Variants in EYA1 observed in about 807,000 individuals in gnomAD.
EYA1 encodes protein phosphatase EYA1.
In EYA1, 16 loss-of-function variants were observed where a neutral mutation model predicts 82.0. That is an observed-to-expected ratio of 0.20 (90% confidence interval 0.13 to 0.30). The LOEUF is 0.30. Ranked by LOEUF, EYA1 falls within the 10% of genes least tolerant of loss-of-function variation. The pLI is 1.00. For missense variants in EYA1, 633 were observed against 730.7 expected (o/e 0.87, Z 1.54); for synonymous variants, 261 against 264.4 (o/e 0.99, Z 0.12).
intron 1 of EYA1, among the ~76,000 whole-genome samples, chr8:71,540,877 A>T (rs911339730): frequency 6.6e-5 from 10 of 152,218 alleles, no homozygotes; most frequent in Admixed American, 6.5e-4. Context: ...ACAGAAAAGA[A>T]AAGGGCTATT....
intron 2 of EYA1, among the ~76,000 whole-genome samples, chr8:71,400,795 C>A (rs1331177006): frequency 6.6e-6 from 1 of 151,984 alleles, no homozygotes; most frequent in Non-Finnish European, 1.5e-5. Flanking sequence ...GGTATATACC[C>A]AAAGGAATAT....
intron 2 of EYA1, among the ~76,000 whole-genome samples, chr8:71,418,157 A>C (rs1348684848): frequency 3.3e-5 from 5 of 152,240 alleles, no homozygotes. Context: ...TGATCCTCCC[A>C]CTTTCCAACT....
intron 12 of EYA1, among the ~76,000 whole-genome samples, chr8:71,227,188 T>G (rs74959043): frequency 6.6e-6 from 1 of 152,256 alleles, no homozygotes; most frequent in Admixed American, 6.5e-5. Flanking sequence ...CATTTTTTTT[T>G]GGAACAGCAA....
chr8:71,312,994 C>T (rs1821518298), intron 7 of EYA1, among the ~76,000 whole-genome samples: 1 of 152,182 alleles, frequency 6.6e-6, no homozygotes, highest in East Asian at 1.9e-4. Flanking sequence ...ATTCTTAGCA[C>T]TCAGAGATGT....
intron 7 of EYA1, among the ~76,000 whole-genome samples, chr8:71,304,621 G>A (rs1259289778): frequency 1.4e-5 from 2 of 142,442 alleles, no homozygotes; most frequent in African/African-American, 5.0e-5. Context: ...CTGATTTTTA[G>A]TACCAATTCA....
intron 2 of EYA1, among the ~76,000 whole-genome samples, chr8:71,413,570 A>G (rs1242598404): frequency 6.6e-6 from 1 of 152,222 alleles, no homozygotes; most frequent in Non-Finnish European, 1.5e-5. Context: ...AAATATGCAG[A>G]CTTAAAACAA....
intron 2 of EYA1, among the ~76,000 whole-genome samples, chr8:71,528,872 C>G (rs1328797866): frequency 1.3e-5 from 2 of 152,186 alleles, no homozygotes; most frequent in Non-Finnish European, 1.5e-5. Context: ...GCGAAAACAG[C>G]TTGCCCAAGT....
At chr8:71,230,461 G>A (rs372107395) in intron 12 of EYA1, among the ~76,000 whole-genome samples, 2 of 152,168 alleles carry the variant, frequency 1.3e-5, no homozygotes, top group African/African-American at 4.8e-5. Flanking sequence ...TCTGTTATTC[G>A]CTGAGGCACC....
intron 2 of EYA1, among the ~76,000 whole-genome samples, chr8:71,458,941 A>C (rs1440719831): frequency 6.6e-6 from 1 of 152,174 alleles, no homozygotes; most frequent in African/African-American, 2.4e-5. Flanking sequence ...TACATACTAA[A>C]GAGGGCAGGA....
intron 2 of EYA1, chr8:71,470,895 CA>C (rs1372885588): frequency 2.2e-6 from 1 of 454,566 alleles, no homozygotes; most frequent in Admixed American, 2.4e-5. Flanking sequence ...GTGGTTGCTC[CA>C]AATGTCGTAA....
intron 2 of EYA1, among the ~76,000 whole-genome samples, chr8:71,487,124 A>T (rs531167669): frequency 6.6e-5 from 10 of 151,642 alleles, no homozygotes; most frequent in Admixed American, 3.3e-4. Context: ...ACCAGGAAAC[A>T]ATCTCAGAAA....
At chr8:71,282,743 G>C (rs908466420) in intron 9 of EYA1, among the ~76,000 whole-genome samples, 2 of 152,086 alleles carry the variant, frequency 1.3e-5, no homozygotes, top group Non-Finnish European at 2.9e-5. Flanking sequence ...CTACAGTCCT[G>C]GTTAACTCAT....
intron 2 of EYA1, among the ~76,000 whole-genome samples, chr8:71,439,871 G>C (rs1328664708): frequency 6.6e-6 from 1 of 152,156 alleles, no homozygotes; most frequent in Non-Finnish European, 1.5e-5. Context: ...ACAGACTACA[G>C]GGTAATTATG....
chr8:71,214,882 A>T (rs1585807079), intron 16 of EYA1, among the ~76,000 whole-genome samples: 1 of 152,310 alleles, frequency 6.6e-6, no homozygotes, highest in South Asian at 2.1e-4. Flanking sequence ...AAATTTCATA[A>T]GTATTTTCCT....
chr8:71,360,236 A>C (rs149532398), intron 1 of EYA1, among the ~76,000 whole-genome samples: 257 of 152,366 alleles, frequency 1.7e-3, no homozygotes, highest in African/African-American at 5.9e-3. Flanking sequence ...ATAAGTATTT[A>C]AACCACATGG....
Position 71,336,951 on chromosome 8 carries a change from A to G in EYA1, c.125-2777T>C, listed in dbSNP as rs73684753. Among the ~76,000 whole-genome samples, 709 of 152,340 alleles carry G rather than the reference A, an allele frequency of 4.7e-3. 4 individuals carry two copies. The highest frequency in any genetic ancestry group is 0.016 in the African/African-American group (658 of 41,572). The stretch of plus-strand genomic sequence containing the variant: ...CTGAATGAAAGCCAAAGAAACAGAG[A>G]CTACTTCTGGCTTTATTGTAGCCAA... On this transcript the variant is annotated intron_variant, in intron 3 of 17. Coordinates refer to ENST00000340726, the MANE Select transcript of EYA1 (RefSeq NM_000503.6).
chr8:71,282,649 C>T (rs991030558), intron 9 of EYA1, among the ~76,000 whole-genome samples: 3 of 152,152 alleles, frequency 2.0e-5, no homozygotes, highest in Admixed American at 1.3e-4. Flanking sequence ...TCCCAATCTC[C>T]TTCTCTGGCT....
At chr8:71,218,355 T>C (rs999751403) in intron 12 of EYA1, among the ~76,000 whole-genome samples, 1 of 152,176 alleles carries the variant, frequency 6.6e-6, no homozygotes, top group Admixed American at 6.5e-5. Context: ...GAACAAACTC[T>C]TCTCTCTCCA....
At chr8:71,339,491 T>C (rs567396645) in intron 3 of EYA1, among the ~76,000 whole-genome samples, 1 of 152,274 alleles carries the variant, frequency 6.6e-6, no homozygotes, top group African/African-American at 2.4e-5. Context: ...TGTCTGAAAC[T>C]GTTTCCACTG....
Sources: allele counts gnomAD v4.1 joint callset (sites outside exome capture counted in the v4.1 genomes callset), GRCh38; gene constraint gnomAD v4.1.1; transcripts MANE v1.5; gene names NCBI Gene and HGNC (gene_info 2026-07-23, HGNC 2026-07-21).